HLA-DRB5: variants seen among roughly 807,000 people sequenced by gnomAD.
HLA-DRB5 encodes the protein DR beta-5.
HLA-DRB5 carries 11 observed loss-of-function variants against 22.4 expected under a neutral mutation model. The ratio of observed to expected loss-of-function variants is 0.49; its 90% confidence interval spans 0.31 to 0.81. HLA-DRB5 has a LOEUF of 0.81. Among genes scored for constraint, HLA-DRB5 ranks in the 40% least tolerant of loss-of-function variants. HLA-DRB5 has a pLI of 0.05. For missense variants in HLA-DRB5, 106 were observed against 274.4 expected (o/e 0.39, Z 4.34); for synonymous variants, 57 against 106.0 (o/e 0.54, Z 2.84).
intron 1 of HLA-DRB5, among the ~76,000 whole-genome samples, chr6:32,525,958 G>T (rs756684394): frequency 2.3e-5 from 1 of 44,420 alleles, no homozygotes. Context: ...GCACACAGGG[G>T]CCCTCTAATA....
intron 1 of HLA-DRB5, among the ~76,000 whole-genome samples, chr6:32,524,422 G>GTT (rs1769335901): frequency 9.4e-6 from 1 of 105,890 alleles, no homozygotes; most frequent in African/African-American, 3.7e-5. Context: ...ACTAACTCAC[G>GTT]TCTTTCAGTC....
chr6:32,524,304 A>G (rs181406867), intron 1 of HLA-DRB5, among the ~76,000 whole-genome samples: 4,619 of 89,308 alleles, frequency 0.052, no homozygotes, highest in Middle Eastern at 0.072. Flanking sequence ...AAATCATATC[A>G]TTTGTCTTTC....
intron 1 of HLA-DRB5, among the ~76,000 whole-genome samples, chr6:32,523,140 G>C (rs141548052): frequency 0.012 from 505 of 42,952 alleles, no homozygotes; most frequent in Middle Eastern, 0.036. Context: ...GATTTAAGGA[G>C]AATAAAACCA....
intron 1 of HLA-DRB5, among the ~76,000 whole-genome samples, chr6:32,526,864 C>G (rs74290586): frequency 2.7e-5 from 1 of 36,504 alleles, no homozygotes; most frequent in Non-Finnish European, 5.3e-5. Context: ...TTGCTCCACA[C>G]AAATGTCAAT....
chr6:32,520,712 A>C (rs112944250), intron 2 of HLA-DRB5, among the ~76,000 whole-genome samples: 20,169 of 42,254 alleles, frequency 0.48, 7,605 homozygotes, highest in Middle Eastern at 0.66. Context: ...CTGGAGACAA[A>C]AATACCACAA....
At chr6:32,526,070 C>T (rs1383670778) in intron 1 of HLA-DRB5, among the ~76,000 whole-genome samples, 7 of 120,742 alleles carry the variant, frequency 5.8e-5, no homozygotes, top group Non-Finnish European at 1.1e-4. Flanking sequence ...CTCCCTGAAC[C>T]CAGAGCACAG....
intron 1 of HLA-DRB5, among the ~76,000 whole-genome samples, chr6:32,529,920 T>C (rs754074654): frequency 0.27 from 31,910 of 116,074 alleles, 1,653 homozygotes; most frequent in Middle Eastern, 0.37. Context: ...ATGACCTGTA[T>C]GGAGGCCCCT....
intron 1 of HLA-DRB5, 130 bp downstream of exon 1, chr6:32,529,995 C>T (rs114403888): frequency 0.072 from 33,068 of 461,932 alleles, 1,138 homozygotes; most frequent in African/African-American, 0.22. Flanking sequence ...TTTGGGATCC[C>T]ATGATAAAGA....
At chr6:32,518,997 T>C (rs113726981) in intron 3 of HLA-DRB5, among the ~76,000 whole-genome samples, 237 of 97,376 alleles carry the variant, frequency 2.4e-3, no homozygotes, top group Middle Eastern at 9.6e-3. Context: ...TCCCCTCATG[T>C]CAGGAAGGCC....
At chr6:32,521,811 TCACA>T (rs771632640) in intron 2 of HLA-DRB5, 90 bp downstream of exon 2, 11,072 of 243,744 alleles carry the variant, frequency 0.045, 620 homozygotes, top group Non-Finnish European at 0.055. Flanking sequence ...CCTCTCTCTC[TCACA>T]CACACACACA....
At chr6:32,520,981 G>T (rs1768782705) in intron 2 of HLA-DRB5, among the ~76,000 whole-genome samples, 1 of 45,268 alleles carries the variant, frequency 2.2e-5, no homozygotes, top group African/African-American at 9.1e-5. Context: ...AAATACAATA[G>T]GGAATTCTTA....
At chr6:32,529,548 A>AG (rs767423305) in intron 1 of HLA-DRB5, among the ~76,000 whole-genome samples, 14,346 of 80,990 alleles carry the variant, frequency 0.18, 3,707 homozygotes, top group Non-Finnish European at 0.18. Context: ...CCCATAAGAA[A>AG]AAGCACTAAG....
At chr6:32,527,058 A>ATACATGCCAAGTCTG (rs1769689058) in intron 1 of HLA-DRB5, among the ~76,000 whole-genome samples, 1 of 18,350 alleles carries the variant, frequency 5.4e-5, no homozygotes, top group Non-Finnish European at 1.1e-4. Flanking sequence ...GGTAAGCAAA[A>ATACATGCCAAGTCTG]TCCACTTTAT....
intron 1 of HLA-DRB5, among the ~76,000 whole-genome samples, chr6:32,526,041 T>G: frequency 8.6e-6 from 1 of 116,800 alleles, no homozygotes; most frequent in East Asian, 2.3e-4. Flanking sequence ...CTTTAGCCTT[T>G]TCCTTTTGAT....
chr6:32,523,036 C>T (rs112218095), intron 1 of HLA-DRB5, among the ~76,000 whole-genome samples: 10,509 of 107,378 alleles, frequency 0.098, 75 homozygotes, highest in Admixed American at 0.16. Context: ...AAAGATTAGA[C>T]TGGAGACATC....
chr6:32,529,835 T>C, intron 1 of HLA-DRB5, among the ~76,000 whole-genome samples: 1 of 150,410 alleles, frequency 6.6e-6, no homozygotes, highest in Admixed American at 6.6e-5. Context: ...TATTTTAGCA[T>C]CCTTATTTCT....
intron 1 of HLA-DRB5, among the ~76,000 whole-genome samples, chr6:32,526,961 C>CAAA (rs1255692792): frequency 0.13 from 3,769 of 27,960 alleles, 660 homozygotes; most frequent in Non-Finnish European, 0.15. Flanking sequence ...TCTCAATAAA[C>CAAA]ACCACCACCT....
At chr6:32,523,797 G>C (rs1312443482) in intron 1 of HLA-DRB5, among the ~76,000 whole-genome samples, 224 of 78,074 alleles carry the variant, frequency 2.9e-3, no homozygotes, top group East Asian at 3.9e-3. Context: ...TGGGTGCTGA[G>C]TGTATAAAAG....
In HLA-DRB5 at chr6:32,518,293, C is replaced by T. The variant is rs538297449; in HGVS notation, c.764-216G>A. 5.5e-3 allele frequency among the ~76,000 whole-genome samples: 303 copies of T among 55,416 alleles called. 1 individual carries two copies. Among genetic ancestry groups the T allele is most frequent in the Admixed American group, 7.0e-3 (32 of 4,556 alleles). The allele number at this position is 55,416 out of a possible 152,430, so 36.4% of individuals were successfully genotyped here. A position where few individuals can be genotyped will look rare whatever the true frequency, so the allele number is the denominator to read the frequency against. ...TGTAATTGCATTAGCCTTAGTGGCT[C>T]TTCCTTAATTTGCTCCAGGATTTCA... On this transcript the variant is annotated intron_variant, in intron 4 of 5. Coordinates refer to ENST00000374975, the MANE Select transcript of HLA-DRB5 (RefSeq NM_002125.4).
Sources: gnomAD v4.1 joint callset for allele counts (sites outside exome capture counted in the v4.1 genomes callset) on GRCh38, gnomAD v4.1.1 for gene constraint, MANE v1.5 for transcripts, NCBI Gene and HGNC (gene_info 2026-07-23, HGNC 2026-07-21) for gene names.